Variants in ANO5 observed in about 807,000 individuals in gnomAD.
ANO5 encodes the protein anoctamin-5.
A neutral mutation model predicts 121.0 loss-of-function variants in ANO5; 109 were observed. The ratio of observed to expected loss-of-function variants is 0.90; its 90% confidence interval spans 0.77 to 1.06. The LOEUF (loss-of-function observed/expected upper bound fraction) is 1.06, where lower values mean the gene tolerates loss of function less well. Among genes scored for constraint, ANO5 ranks in the 50% least tolerant of loss-of-function variants. The pLI is 0.00. For synonymous variants in ANO5, 406 were observed against 359.9 expected, an observed-to-expected ratio of 1.13 and a Z score of -1.45; for missense variants, 1,064 against 1,078.5, an observed-to-expected ratio of 0.99 and a Z score of 0.19.
At chr11:22,257,794 G>A in intron 14 of ANO5, 40 bp downstream of exon 14, 1 of 1,524,380 alleles carries the variant, frequency 6.6e-7, no homozygotes, top group Non-Finnish European at 9.1e-7. Context: ...TTCTTCAACA[G>A]GTGATTAAAT....
At chr11:22,200,690 T>C (rs951315158) in intron 1 of ANO5, among the ~76,000 whole-genome samples, 3 of 152,182 alleles carry the variant, frequency 2.0e-5, no homozygotes, top group African/African-American at 7.2e-5. Context: ...GCATCACCAG[T>C]GCAAACGTCA....
chr11:22,226,633 G>A (rs1018137687), intron 6 of ANO5, among the ~76,000 whole-genome samples: 5 of 152,082 alleles, frequency 3.3e-5, no homozygotes, highest in Admixed American at 2.0e-4. Flanking sequence ...GCCAAAGCAG[G>A]AGGATTGCTG....
chr11:22,243,453 TC>T (rs1198992647), intron 9 of ANO5, among the ~76,000 whole-genome samples: 3 of 152,102 alleles, frequency 2.0e-5, no homozygotes, highest in African/African-American at 7.2e-5. Context: ...GAGAAGCCTT[TC>T]CTTTTTGAGT....
At chr11:22,271,714 G>A (rs1284454968) in intron 18 of ANO5, among the ~76,000 whole-genome samples, 1 of 152,126 alleles carries the variant, frequency 6.6e-6, no homozygotes, top group Non-Finnish European at 1.5e-5. Context: ...AAACAATTCT[G>A]CAGAGTATTC....
chr11:22,257,917 GT>G (rs1854057952), intron 14 of ANO5, among the ~76,000 whole-genome samples, 163 bp downstream of exon 14: 1 of 151,918 alleles, frequency 6.6e-6, no homozygotes, highest in South Asian at 2.1e-4. Context: ...TGTAATTTAT[GT>G]GGATTTTCCA....
intron 2 of ANO5, among the ~76,000 whole-genome samples, chr11:22,205,629 A>G (rs180871649): frequency 6.6e-6 from 1 of 152,202 alleles, no homozygotes; most frequent in East Asian, 1.9e-4. Context: ...AGGAAATAAT[A>G]ATAAAAGCAA....
intron 2 of ANO5, among the ~76,000 whole-genome samples, chr11:22,206,112 G>A (rs146822300): frequency 3.3e-5 from 5 of 152,054 alleles, no homozygotes; most frequent in African/African-American, 7.2e-5. Context: ...CTCAATTCAT[G>A]TCGGATCCCT....
At chr11:22,206,916 A>C in intron 2 of ANO5, among the ~76,000 whole-genome samples, 1 of 152,054 alleles carries the variant, frequency 6.6e-6, no homozygotes, top group East Asian at 1.9e-4. Context: ...AATAAGACAA[A>C]AAAATAAAAT....
rs531469987 is a variant in ANO5, at chr11:22,250,391, C to G, written c.1013+20C>G. 83 of 1,612,868 alleles carry G rather than the reference C, an allele frequency of 5.1e-5. 1 individual carries two copies. In the South Asian group the frequency reaches 8.8e-4, roughly 17 times the overall value. ...AAGCAGGTAAGTGCACCTGAGTTGC[C>G]CAGATAGAGAAAACATCTTTATCTT... On this transcript the variant is annotated intron_variant, in intron 10 of 21. Transcript: ENST00000324559.
At position 22,274,667 on chromosome 11, in the gene ANO5, T is replaced by A; in HGVS notation, c.2334T>A (p.Asn778Lys). Residue 778 changes from asparagine to lysine, a missense_variant, in exon 20 of 22, where the codon AAT becomes AAA. Transcript: ENST00000324559. ...CACAGCCTATGACAGGATATGTGAATAATAGCCTGTCAGTATTCCTGATAG... is the reference window on the plus strand; with the variant it reads ...CACAGCCTATGACAGGATATGTGAAAAATAGCCTGTCAGTATTCCTGATAG... ...NATQPMTGYV[N>K]NSLSVFLIAD... The A allele has an allele frequency of 1.2e-6, 2 of 1,613,560 alleles. No individual in the cohort carries two copies. The highest frequency in any genetic ancestry group is 1.7e-6 in the Non-Finnish European group (2 of 1,179,570).
chr11:22,198,164 G>A (rs1182994151), intron 1 of ANO5, among the ~76,000 whole-genome samples: 1 of 152,186 alleles, frequency 6.6e-6, no homozygotes, highest in African/African-American at 2.4e-5. Context: ...ACAAAAGGAT[G>A]CAGTTGACAA....
intron 19 of ANO5, among the ~76,000 whole-genome samples, chr11:22,274,010 A>C (rs536811314): frequency 1.3e-5 from 2 of 152,218 alleles, no homozygotes; most frequent in East Asian, 3.9e-4. Context: ...TCTAATCTAA[A>C]AGAAATATGC....
intron 17 of ANO5, among the ~76,000 whole-genome samples, chr11:22,264,374 T>A (rs1480756070): frequency 6.6e-6 from 1 of 151,424 alleles, no homozygotes. Context: ...CCCAGAGGAC[T>A]GAATGGAGGC....
chr11:22,200,705 A>G (rs1308858512), intron 1 of ANO5, among the ~76,000 whole-genome samples: 1 of 152,188 alleles, frequency 6.6e-6, no homozygotes, highest in Non-Finnish European at 1.5e-5. Context: ...ACGTCAACAG[A>G]ATGAAAAAGA....
intron 21 of ANO5, among the ~76,000 whole-genome samples, chr11:22,276,631 G>A (rs1049061425): frequency 6.6e-6 from 1 of 151,606 alleles, no homozygotes; most frequent in Non-Finnish European, 1.5e-5. Context: ...TAACATTAGC[G>A]CTGAGTCTCA....
chr11:22,269,256 AG>A (rs1721253193), intron 17 of ANO5, among the ~76,000 whole-genome samples: 1 of 89,070 alleles, frequency 1.1e-5, no homozygotes, highest in Admixed American at 1.0e-4. Flanking sequence ...AAAAAGAAAG[AG>A]AAGGAAAAGG....
At chr11:22,198,419 A>G (rs1851872308) in intron 1 of ANO5, among the ~76,000 whole-genome samples, 1 of 152,218 alleles carries the variant, frequency 6.6e-6, no homozygotes, top group Non-Finnish European at 1.5e-5. Flanking sequence ...CTGTAATTTT[A>G]AAGGTTAAAG....
At chr11:22,268,608 CCTTT>C (rs1474891527) in intron 17 of ANO5, among the ~76,000 whole-genome samples, 2 of 152,116 alleles carry the variant, frequency 1.3e-5, no homozygotes, top group African/African-American at 2.4e-5. Flanking sequence ...AAATATTTTG[CCTTT>C]CTTATTTTAT....
intron 9 of ANO5, among the ~76,000 whole-genome samples, chr11:22,242,409 G>A (rs572181684): frequency 6.6e-6 from 1 of 152,128 alleles, no homozygotes; most frequent in South Asian, 2.1e-4. Context: ...TGTTAGAATA[G>A]CTTTTTCTAA....
Sources: gnomAD v4.1 joint callset for allele counts (sites outside exome capture counted in the v4.1 genomes callset) on GRCh38, gnomAD v4.1.1 for gene constraint, MANE v1.5 for transcripts, NCBI Gene and HGNC (gene_info 2026-07-23, HGNC 2026-07-21) for gene names.